NRF1: variants seen among roughly 807,000 people sequenced by gnomAD.
NRF1 encodes the protein alpha palindromic-binding protein.
NRF1 carries 5 observed loss-of-function variants against 58.5 expected under a neutral mutation model. That is an observed-to-expected ratio of 0.09 (90% CI 0.04 to 0.18). NRF1 has a LOEUF of 0.18. Ranked by LOEUF, NRF1 falls within the 10% of genes least tolerant of loss-of-function variation. The pLI, the probability that NRF1 is intolerant of heterozygous loss-of-function variation, is 1.00. For synonymous variants in NRF1, 224 were observed against 246.7 expected (o/e 0.91, Z 0.86); for missense variants, 288 against 657.7 (o/e 0.44, Z 6.15).
chr7:129,661,904 A>G (rs1801788132), intron 2 of NRF1, among the ~76,000 whole-genome samples: 1 of 150,686 alleles, frequency 6.6e-6, no homozygotes, highest in Non-Finnish European at 1.5e-5. Flanking sequence ...CAAGACTGGG[A>G]AGAAAAGAGG....
At chr7:129,692,843 A>C (rs1362942464) in intron 5 of NRF1, among the ~76,000 whole-genome samples, 1 of 152,074 alleles carries the variant, frequency 6.6e-6, no homozygotes, top group East Asian at 1.9e-4. Context: ...CTCCCAGATG[A>C]TTGCATGATG....
At chr7:129,719,873 A>G (rs912581242) in intron 9 of NRF1, among the ~76,000 whole-genome samples, 2 of 151,972 alleles carry the variant, frequency 1.3e-5, no homozygotes, top group Non-Finnish European at 2.9e-5. Flanking sequence ...AGACCAGCAA[A>G]ACTTGATTTC....
At chr7:129,620,777 C>T (rs1800781149) in intron 1 of NRF1, among the ~76,000 whole-genome samples, 2 of 152,160 alleles carry the variant, frequency 1.3e-5, no homozygotes, top group African/African-American at 2.4e-5. Context: ...ACCAAGCTGG[C>T]TCATCTGTCA....
chr7:129,733,042 G>C (rs76965721), intron 10 of NRF1, among the ~76,000 whole-genome samples: 6,469 of 114,228 alleles, frequency 0.057, 167 homozygotes, highest in Middle Eastern at 0.18. Flanking sequence ...TTGCACTCCA[G>C]CCTGGGCAAC....
intron 4 of NRF1, among the ~76,000 whole-genome samples, chr7:129,678,601 C>T (rs1292786975): frequency 2.0e-5 from 3 of 151,954 alleles, no homozygotes; most frequent in Non-Finnish European, 4.4e-5. Flanking sequence ...TTCCTGAAGC[C>T]CTACAATTAG....
At chr7:129,674,120 G>A (rs1424126379) in intron 3 of NRF1, among the ~76,000 whole-genome samples, 1 of 151,506 alleles carries the variant, frequency 6.6e-6, no homozygotes, top group Non-Finnish European at 1.5e-5. Context: ...TAGCCTAGGC[G>A]ACAGAGTGAA....
At chr7:129,727,113 A>G in intron 9 of NRF1, 128 bp from the exon 10 acceptor site, 1 of 893,226 alleles carries the variant, frequency 1.1e-6, no homozygotes. Flanking sequence ...GTTATCACAT[A>G]TTTGCTGGTA....
chr7:129,735,116 A>G, intron 10 of NRF1: 15 of 985,440 alleles, frequency 1.5e-5, no homozygotes, highest in Non-Finnish European at 1.8e-5. Flanking sequence ...TGAAGAGCAC[A>G]TCTGTCTCCG....
chr7:129,726,151 C>T (rs1803449008), intron 9 of NRF1, among the ~76,000 whole-genome samples: 1 of 152,232 alleles, frequency 6.6e-6, no homozygotes. Context: ...TTCTGCTAAA[C>T]TAAATGGCAC....
intron 5 of NRF1, among the ~76,000 whole-genome samples, chr7:129,706,916 A>G (rs1479644294): frequency 6.6e-6 from 1 of 152,222 alleles, no homozygotes; most frequent in African/African-American, 2.4e-5. Flanking sequence ...CTTTCTGATC[A>G]CTTTAGGATT....
intron 1 of NRF1, among the ~76,000 whole-genome samples, chr7:129,640,802 A>G (rs1301797862): frequency 1.3e-5 from 2 of 151,148 alleles, no homozygotes; most frequent in African/African-American, 4.9e-5. Context: ...CTTGGTCACA[A>G]TTTGGAAAAT....
At chr7:129,746,641 T>G (rs576836610) in intron 10 of NRF1, among the ~76,000 whole-genome samples, 1 of 152,326 alleles carries the variant, frequency 6.6e-6, no homozygotes, top group African/African-American at 2.4e-5. Context: ...TCAAGCAATA[T>G]AATCCGGAAT....
chr7:129,752,838 A>C (rs1484090812), intron 10 of NRF1, among the ~76,000 whole-genome samples: 1 of 152,226 alleles, frequency 6.6e-6, no homozygotes, highest in African/African-American at 2.4e-5. Context: ...TTGTAGGCCA[A>C]GGCCTGGCCC....
chr7:129,629,362 T>C (rs1447857574), intron 1 of NRF1, among the ~76,000 whole-genome samples: 1 of 147,796 alleles, frequency 6.8e-6, no homozygotes, highest in African/African-American at 2.5e-5. Context: ...CACTGCAACC[T>C]CCGCCTCCCG....
chr7:129,613,905 G>C (rs1276254387), intron 1 of NRF1, among the ~76,000 whole-genome samples: 1 of 152,104 alleles, frequency 6.6e-6, no homozygotes, highest in Non-Finnish European at 1.5e-5. Context: ...CGGGGGACAA[G>C]AGCGAGACTT....
intron 5 of NRF1, 129 bp from the exon 6 acceptor site, chr7:129,708,946 A>T: frequency 1.4e-6 from 1 of 702,652 alleles, no homozygotes; most frequent in Non-Finnish European, 2.1e-6. Flanking sequence ...GGTTTTCATC[A>T]GTCACATCTT....
chr7:129,651,088 A>G (rs936946206), intron 1 of NRF1, among the ~76,000 whole-genome samples: 6 of 152,204 alleles, frequency 3.9e-5, no homozygotes, highest in Non-Finnish European at 7.3e-5. Flanking sequence ...GAAGTCAGAA[A>G]TACCTTTGCC....
At position 129,658,202 on chromosome 7, in the gene NRF1, TG is replaced by T. The variant is rs547340686; in HGVS notation, c.223+629del. Among the ~76,000 whole-genome samples the T allele has an allele frequency of 1.2e-4, 19 of 152,352 alleles. No homozygotes were observed. The East Asian group carries it at 3.7e-3, about 29-fold the overall frequency. ...TTTCTTTTGTAGTGATTGAAAATTT[TG>T]TATTTTTTCATTTTTTTCTTGTTAG... On this transcript the variant is annotated intron_variant, in intron 2 of 10. Coordinates refer to ENST00000393232, the MANE Select transcript of NRF1 (RefSeq NM_005011.5).
chr7:129,660,748 CTG>C (rs1490880132), intron 2 of NRF1, among the ~76,000 whole-genome samples: 1 of 150,646 alleles, frequency 6.6e-6, no homozygotes, highest in Non-Finnish European at 1.5e-5. Flanking sequence ...TGTTGAGTGT[CTG>C]TGGCTTTTCC....
Sources: allele counts gnomAD v4.1 joint callset (sites outside exome capture counted in the v4.1 genomes callset), GRCh38; gene constraint gnomAD v4.1.1; transcripts MANE v1.5; gene names NCBI Gene and HGNC (gene_info 2026-07-23, HGNC 2026-07-21).